Variants in G6PC3 observed in about 807,000 individuals in gnomAD.
G6PC3 encodes the protein glucose-6-phosphatase catalytic subunit 3.
A neutral mutation model predicts 38.6 loss-of-function variants in G6PC3; 30 were observed. That is an observed-to-expected ratio of 0.78 (90% CI 0.58 to 1.05). G6PC3 has a LOEUF of 1.05. Among genes scored for constraint, G6PC3 ranks in the 50% least tolerant of loss-of-function variants. G6PC3 has a pLI of 0.00. For synonymous variants in G6PC3, 192 were observed against 178.1 expected, an observed-to-expected ratio of 1.08 and a Z score of -0.62; for missense variants, 377 against 443.1, an observed-to-expected ratio of 0.85 and a Z score of 1.34.
chr17:44,071,522 A>C lies in G6PC3; in HGVS notation c.218+339A>C, dbSNP rs556972808. On this transcript the variant is annotated intron_variant, in intron 1 of 5. Transcript: ENST00000269097. ...ATTTTTTATTTTTTATTTTTGGTTT[A>C]TGGGAATTCATATTTTAACAAATAT... 4.8e-6 allele frequency: 3 copies of C among 631,128 alleles called. No individual in the cohort carries two copies. The African/African-American group carries it at 5.7e-5, about 12-fold the overall frequency. 39.1% of individuals were successfully genotyped at this position (631,128 alleles called of 1,614,324 possible).
chr17:44,074,875 A>C, intron 3 of G6PC3, 94 bp from the exon 4 acceptor site: 1 of 1,463,522 alleles, frequency 6.8e-7, no homozygotes, highest in Middle Eastern at 1.7e-4. Flanking sequence ...TGGGGACCCT[A>C]GGTTGTGTGG....
chr17:44,070,950 C>T lies in G6PC3; in HGVS notation c.-16C>T. 6.5e-7 allele frequency: 1 copy of T among 1,548,972 alleles called. No homozygotes were observed. The highest frequency in any genetic ancestry group is 8.7e-7 in the Non-Finnish European group (1 of 1,146,984). On this transcript the variant is annotated 5_prime_UTR_variant, in exon 1 of 6. Transcript: ENST00000269097. The stretch of plus-strand genomic sequence containing the variant: ...GCCCTGGAGCAAGCCGGGGCCTGGT[C>T]GGCAGCTGGGCCGCCATGGAGTCCA...
Position 44,071,193 on chromosome 17 carries a change from A to AG in G6PC3, c.218+11dup. Reference sequence around the variant, plus strand: ...ACCTCATCTTCAAGTGGTGAGACAGAGAAGCCCTCCGGCATCCTGGTCCCC... The same window carrying AG: ...ACCTCATCTTCAAGTGGTGAGACAGAGGAAGCCCTCCGGCATCCTGGTCCCC... On this transcript the variant is annotated intron_variant, in intron 1 of 5. Transcript: ENST00000269097. 1.9e-6 allele frequency: 3 copies of AG among 1,611,590 alleles called. No individual in the cohort carries two copies. The highest frequency in any genetic ancestry group is 2.5e-6 in the Non-Finnish European group (3 of 1,179,428).
Position 44,076,334 on chromosome 17 carries a change from G to C in G6PC3, c.*291G>C, listed in dbSNP as rs1049691323. 6.4e-6 allele frequency: 4 copies of C among 625,924 alleles called. No homozygotes were observed. Among genetic ancestry groups the C allele is most frequent in the African/African-American group, 5.4e-5 (3 of 55,292 alleles). 38.8% of individuals were successfully genotyped at this position (625,924 alleles called of 1,614,324 possible). ...CCAGGGCGGCCCCAATAAAGCCCTT[G>C]AATACTTTGAGATTCCTTTCTTGCC... On this transcript the variant is annotated 3_prime_UTR_variant, in exon 6 of 6. Coordinates refer to ENST00000269097, the MANE Select transcript of G6PC3 (RefSeq NM_138387.4).
chr17:44,071,700 T>C (rs780998204), intron 1 of G6PC3: 1 of 1,206,268 alleles, frequency 8.3e-7, no homozygotes, highest in Non-Finnish European at 1.1e-6. Flanking sequence ...GTGTGGTCCC[T>C]GGACCATGCC....
chr17:44,074,320 C>G, intron 2 of G6PC3, 54 bp downstream of exon 2: 1 of 1,361,224 alleles, frequency 7.3e-7, no homozygotes, highest in Non-Finnish European at 1.1e-6. Context: ...TTCGGGTGAA[C>G]ATTTCAGAGT....
intron 3 of G6PC3, 86 bp downstream of exon 3, chr17:44,074,856 C>A: frequency 6.6e-7 from 1 of 1,505,852 alleles, no homozygotes; most frequent in Non-Finnish European, 9.2e-7. Context: ...AGCCTGGGAG[C>A]TGGAGTTTTG....
chr17:44,076,284 G>C lies in G6PC3; in HGVS notation c.*241G>C, dbSNP rs1422708217. 1 of 696,888 alleles carries C rather than the reference G, an allele frequency of 1.4e-6. No homozygotes were observed. Among genetic ancestry groups the C allele is most frequent in the East Asian group, 2.7e-5 (1 of 36,444 alleles). 43.2% of individuals were successfully genotyped at this position (696,888 alleles called of 1,614,324 possible). A position where few individuals can be genotyped will look rare whatever the true frequency, so the allele number is the denominator to read the frequency against. ...GCAAAGGCAACAGCAAGACCAGCGG[G>C]TTCTTGCAACACTGTGAGGGGCAGC... On this transcript the variant is annotated 3_prime_UTR_variant, in exon 6 of 6. Transcript: ENST00000269097.
At chr17:44,074,381 C>T (rs1415782476) in intron 2 of G6PC3, 115 bp downstream of exon 2, 13 of 885,118 alleles carry the variant, frequency 1.5e-5, no homozygotes, top group African/African-American at 6.6e-5. Context: ...CAATTACTGG[C>T]GCAGAGAACA....
chr17:44,074,719 TCTGGCC>T lies in G6PC3; in HGVS notation c.367_372del (p.Trp123_Pro124del). 1 of 1,614,044 alleles carries T rather than the reference TCTGGCC, an allele frequency of 6.2e-7. No individual in the cohort carries two copies. Among genetic ancestry groups the T allele is most frequent in the Non-Finnish European group, 8.5e-7 (1 of 1,180,008 alleles). ...CACTGCATGATCACAGGAGCAGCCC[TCTGGCC>T]CATAATGACGGCCCTGTCTTCGCAG... On this transcript the variant is annotated inframe_deletion, in exon 3 of 6. Coordinates refer to ENST00000269097, the MANE Select transcript of G6PC3 (RefSeq NM_138387.4).
At position 44,075,997 on chromosome 17, in the gene G6PC3, T is replaced by C. The variant is rs1013640910; in HGVS notation, c.995T>C (p.Val332Ala). The change falls in exon 6 of 6, where the codon GTG becomes GCG. Residue 332 changes from valine to alanine, a missense_variant. Transcript: ENST00000269097. ...CLVLALVPWA[V>A]HMFSAQEAPP... ...GTCCTGGCCCTCGTGCCCTGGGCAG[T>C]GCACATGTTCAGTGCCCAGGAAGCA... The C allele has an allele frequency of 6.2e-7, 1 of 1,613,136 alleles. No individual in the cohort carries two copies. Among genetic ancestry groups the C allele is most frequent in the African/African-American group, 1.3e-5 (1 of 74,926 alleles).
intron 5 of G6PC3, 80 bp downstream of exon 5, chr17:44,075,531 T>C: frequency 6.2e-7 from 1 of 1,604,596 alleles, no homozygotes; most frequent in Non-Finnish European, 8.5e-7. Flanking sequence ...CTCTGGTTCA[T>C]TATAGCTAAA....
At position 44,075,305 on chromosome 17, in the gene G6PC3, C is replaced by A. The variant is rs765132404; in HGVS notation, c.536-5C>A. 3 of 1,614,146 alleles carry A rather than the reference C, an allele frequency of 1.9e-6. No individual in the cohort carries two copies. In the South Asian group the frequency reaches 3.3e-5, roughly 18 times the overall value. ...CTTGAAGCTGTTGTCACTCCACTCTCCTAGGCGCTGTCCTGGGCTGGCTGA... is the reference window on the plus strand; with the variant it reads ...CTTGAAGCTGTTGTCACTCCACTCTACTAGGCGCTGTCCTGGGCTGGCTGA... On this transcript the variant is annotated splice_region_variant and splice_polypyrimidine_tract_variant and intron_variant, in intron 4 of 5. Coordinates refer to ENST00000269097, the MANE Select transcript of G6PC3 (RefSeq NM_138387.4).
rs1321638971 is a variant in G6PC3 at position 44,071,545 on chromosome 17, TATG to T, written c.218+363_218+365del. 18 of 683,384 alleles carry T rather than the reference TATG, an allele frequency of 2.6e-5. No individual in the cohort carries two copies. The African/African-American group carries it at 2.8e-4, about 11-fold the overall frequency. 42.3% of individuals were successfully genotyped at this position (683,384 alleles called of 1,614,324 possible). The stretch of plus-strand genomic sequence containing the variant: ...TTATGGGAATTCATATTTTAACAAA[TATG>T]GTGATTTAAGTAGTGGAGAGTCCTA... On this transcript the variant is annotated intron_variant, in intron 1 of 5. Coordinates refer to ENST00000269097, the MANE Select transcript of G6PC3 (RefSeq NM_138387.4).
At chr17:44,072,323 CTCTTTT>C (rs1007940617) in intron 1 of G6PC3, 15 of 133,090 alleles carry the variant, frequency 1.1e-4, no homozygotes, top group Non-Finnish European at 2.0e-4. Context: ...TTTTCATTTT[CTCTTTT>C]TTTTTTTTTT....
In G6PC3 at chr17:44,075,317, C is replaced by G. The variant is rs1183039015; in HGVS notation, c.543C>G (p.Val181=). The change falls in exon 5 of 6, where the codon GTC becomes GTG. Residue 181 remains valine, a synonymous_variant. Coordinates refer to ENST00000269097, the MANE Select transcript of G6PC3 (RefSeq NM_138387.4). ...QVLAGLITGA[V]LGWLMTPRVP... Reference sequence around the variant, plus strand: ...GTCACTCCACTCTCCTAGGCGCTGTCCTGGGCTGGCTGATGACTCCCCGAG... The same window carrying G: ...GTCACTCCACTCTCCTAGGCGCTGTGCTGGGCTGGCTGATGACTCCCCGAG... 6.2e-7 allele frequency: 1 copy of G among 1,614,046 alleles called. No homozygotes were observed. Among genetic ancestry groups the G allele is most frequent in the Non-Finnish European group, 8.5e-7 (1 of 1,180,028 alleles).
Position 44,071,096 on chromosome 17 carries a change from C to T in G6PC3, c.131C>T (p.Pro44Leu), listed in dbSNP as rs762019955. The change falls in exon 1 of 6, where the codon CCC becomes CTC. Residue 44 changes from proline to leucine, a missense_variant. By Grantham distance (98) the Pro-to-Leu change is moderately conservative (BLOSUM62 -3). Transcript: ENST00000269097. ...AAGATCCTCTTTCTGTTCTACTTCC[C>T]CGCGGCCTACTACGCCTCCCGCCGT... ...DPKILFLFYFPAAYYASRRVG... is the reference protein window; with the variant it reads ...DPKILFLFYFLAAYYASRRVG... 1.2e-6 allele frequency: 2 copies of T among 1,613,896 alleles called. No homozygotes were observed. The highest frequency in any genetic ancestry group is 8.5e-7 in the Non-Finnish European group (1 of 1,179,938).
chr17:44,075,602 G>A, intron 5 of G6PC3, 78 bp from the exon 6 acceptor site: 1 of 1,603,264 alleles, frequency 6.2e-7, no homozygotes, highest in Non-Finnish European at 8.5e-7. Flanking sequence ...ATGGGAGTGG[G>A]CCCCAAGGGC....
In G6PC3 at chr17:44,070,803, C is replaced by A. The variant is rs1567967311; in HGVS notation, c.-163C>A. On this transcript the variant is annotated 5_prime_UTR_variant, in exon 1 of 6. Coordinates refer to ENST00000269097, the MANE Select transcript of G6PC3 (RefSeq NM_138387.4). ...CGGCTGGAGGCCGGTCTTGCAGGAGCGGGGGACTGCTGGGGGCGGGGCTTG... is the reference window on the plus strand; with the variant it reads ...CGGCTGGAGGCCGGTCTTGCAGGAGAGGGGGACTGCTGGGGGCGGGGCTTG... 1.1e-5 allele frequency: 8 copies of A among 737,028 alleles called. No individual in the cohort carries two copies. The highest frequency in any genetic ancestry group is 2.7e-5 in the East Asian group (1 of 36,564). 45.7% of individuals were successfully genotyped at this position (737,028 alleles called of 1,614,324 possible). A position where few individuals can be genotyped will look rare whatever the true frequency, so the allele number is the denominator to read the frequency against.
Sources: gnomAD v4.1 joint callset for allele counts on GRCh38, gnomAD v4.1.1 for gene constraint, MANE v1.5 for transcripts, NCBI Gene and HGNC (gene_info 2026-07-23, HGNC 2026-07-21) for gene names.